Variants in PAIP2B observed in about 807,000 individuals in gnomAD.
PAIP2B encodes the protein polyadenylate-binding protein-interacting protein 2B.
A neutral mutation model predicts 17.0 loss-of-function variants in PAIP2B; 13 were observed. That is an observed-to-expected ratio of 0.76 (90% confidence interval 0.50 to 1.22). The LOEUF is 1.22. Ranked by LOEUF, PAIP2B falls within the 50% of genes most tolerant of loss-of-function variation. PAIP2B has a pLI of 0.00. For synonymous variants in PAIP2B, 43 were observed against 48.7 expected, an observed-to-expected ratio of 0.88 and a Z score of 0.48; for missense variants, 117 against 144.5, an observed-to-expected ratio of 0.81 and a Z score of 0.98.
intron 1 of PAIP2B, among the ~76,000 whole-genome samples, chr2:71,219,968 A>G (rs1044442551): frequency 6.6e-6 from 1 of 152,248 alleles, no homozygotes; most frequent in African/African-American, 2.4e-5. Flanking sequence ...AAAAACACAC[A>G]CAATATCTAG....
Position 71,202,539 on chromosome 2 carries a change from C to T in PAIP2B, c.51G>A (p.Glu17=), listed in dbSNP as rs1675009720. The part of the protein sequence containing the change: ...ANTSPSVKSK[E]DQGLSGHDEK... ...CATCGTGCCCACTTAACCCCTGGTC[C>T]TCTTTGGATTTTACACTCGGTGATG... The change falls in exon 2 of 4, where the codon GAG becomes GAA. Residue 17 remains glutamate (E), a synonymous_variant. Transcript: ENST00000244221. 2 of 1,613,658 alleles carry T rather than the reference C, an allele frequency of 1.2e-6. No homozygotes were observed. Among genetic ancestry groups the T allele is most frequent in the South Asian group, 1.1e-5 (1 of 91,076 alleles).
At chr2:71,199,494 T>C (rs1312493958) in intron 2 of PAIP2B, among the ~76,000 whole-genome samples, 3 of 151,920 alleles carry the variant, frequency 2.0e-5, no homozygotes, top group Non-Finnish European at 2.9e-5. Flanking sequence ...GTGGCCTGAA[T>C]AGCCAGTGAG....
At chr2:71,215,001 T>C (rs1489260721) in intron 1 of PAIP2B, among the ~76,000 whole-genome samples, 1 of 152,118 alleles carries the variant, frequency 6.6e-6, no homozygotes, top group African/African-American at 2.4e-5. Context: ...CTTATCAACA[T>C]CATTCTATAA....
At chr2:71,221,875 A>G (rs578179366) in intron 1 of PAIP2B, among the ~76,000 whole-genome samples, 1 of 150,074 alleles carries the variant, frequency 6.7e-6, no homozygotes, top group African/African-American at 2.4e-5. Flanking sequence ...AGCGCTCTGT[A>G]AAATGCACCA....
chr2:71,200,061 A>T (rs1008080029), intron 2 of PAIP2B, among the ~76,000 whole-genome samples: 1 of 152,222 alleles, frequency 6.6e-6, no homozygotes, highest in Non-Finnish European at 1.5e-5. Flanking sequence ...AATCTTTTCA[A>T]AAGACCAATG....
At chr2:71,213,439 G>C (rs1336339196) in intron 1 of PAIP2B, among the ~76,000 whole-genome samples, 2 of 152,184 alleles carry the variant, frequency 1.3e-5, no homozygotes, top group Non-Finnish European at 2.9e-5. Flanking sequence ...GAGAAAGAGG[G>C]TCCTTGAGGG....
chr2:71,200,997 TTGTGTGTGTGGGTGTG>T (rs1674966533), intron 2 of PAIP2B, among the ~76,000 whole-genome samples: 1 of 111,422 alleles, frequency 9.0e-6, no homozygotes, highest in African/African-American at 3.5e-5. Flanking sequence ...CTCAATCTCT[TTGTGTGTGTGGGTGTG>T]TGTGTGTGTG....
chr2:71,215,188 C>T (rs1352910222), intron 1 of PAIP2B, among the ~76,000 whole-genome samples: 3 of 152,042 alleles, frequency 2.0e-5, no homozygotes, highest in African/African-American at 4.8e-5. Context: ...CTGAGGCATA[C>T]AGTCCAGGAG....
At chr2:71,188,592 C>T (rs528797046) in intron 3 of PAIP2B, 57 bp from the exon 4 acceptor site, 1 of 1,417,702 alleles carries the variant, frequency 7.1e-7, no homozygotes, top group African/African-American at 1.4e-5. Context: ...TTAAAACTTA[C>T]CCAGTCCATC....
intron 2 of PAIP2B, among the ~76,000 whole-genome samples, chr2:71,196,606 T>C (rs1027644883): frequency 6.6e-6 from 1 of 152,150 alleles, no homozygotes. Context: ...CAGTGGAGTA[T>C]AGAAGTCTCA....
At chr2:71,218,762 T>C (rs1213440343) in intron 1 of PAIP2B, among the ~76,000 whole-genome samples, 5 of 152,164 alleles carry the variant, frequency 3.3e-5, no homozygotes, top group African/African-American at 9.7e-5. Flanking sequence ...GATGCCAGGA[T>C]ATATTTACTG....
rs1674637226 is a variant in PAIP2B at position 71,189,838 on chromosome 2, C to T, written c.315+7G>A. 1.9e-6 allele frequency: 3 copies of T among 1,548,208 alleles called. No individual in the cohort carries two copies. Among genetic ancestry groups the T allele is most frequent in the Admixed American group, 2.0e-5 (1 of 50,678 alleles). ...ACATAACCTGGGGAACTACATATGG[C>T]TCTTACCAAAATATCTTCAGAATCA... On this transcript the variant is annotated splice_region_variant and intron_variant, in intron 3 of 3. Transcript: ENST00000244221.
rs1026067777 is a variant in PAIP2B, at chr2:71,185,291, A to G, written c.*3188T>C. ...ACCCCAGGCTGGGGTGGCTCACCACACCCAGCCTATAATCCCAGCACTTTG... is the reference window on the plus strand; with the variant it reads ...ACCCCAGGCTGGGGTGGCTCACCACGCCCAGCCTATAATCCCAGCACTTTG... On this transcript the variant is annotated 3_prime_UTR_variant, in exon 4 of 4. Coordinates refer to ENST00000244221, the MANE Select transcript of PAIP2B (RefSeq NM_020459.1). The G allele has an allele frequency of 6.6e-6, 1 of 152,102 alleles. No individual in the cohort carries two copies. Among genetic ancestry groups the G allele is most frequent in the Non-Finnish European group, 1.5e-5 (1 of 68,010 alleles). The allele number at this position is 152,102 out of a possible 1,614,324, so 9.4% of individuals were successfully genotyped here. A position where few individuals can be genotyped will look rare whatever the true frequency, so the allele number is the denominator to read the frequency against.
intron 2 of PAIP2B, among the ~76,000 whole-genome samples, chr2:71,193,213 T>C (rs1674731398): frequency 1.3e-5 from 2 of 152,210 alleles, no homozygotes; most frequent in African/African-American, 2.4e-5. Context: ...CTTTTTTTCA[T>C]ATGCTTGTTG....
At chr2:71,202,419 A>C in intron 2 of PAIP2B, 33 bp downstream of exon 2, 1 of 1,606,806 alleles carries the variant, frequency 6.2e-7, no homozygotes, top group Non-Finnish European at 8.5e-7. Context: ...TACATGTATC[A>C]TCAATCTTCC....
intron 1 of PAIP2B, among the ~76,000 whole-genome samples, chr2:71,212,246 GC>G (rs1448415471): frequency 6.6e-6 from 1 of 152,132 alleles, no homozygotes; most frequent in Non-Finnish European, 1.5e-5. Context: ...CAATCTCCGA[GC>G]CTAAGGTCTT....
chr2:71,226,681 G>C (rs993836531), intron 1 of PAIP2B, among the ~76,000 whole-genome samples: 1 of 152,132 alleles, frequency 6.6e-6, no homozygotes, highest in Admixed American at 6.5e-5. Context: ...CTGTGCGGGG[G>C]GGAAAGGGAC....
At position 71,188,401 on chromosome 2, in the gene PAIP2B, C is replaced by G. The variant is rs1018903975; in HGVS notation, c.*78G>C. ...GTGCACCCCTCGCCCGCCCCATCCC[C>G]CTCTTCAGCTCCACCATTTTGTGCA... On this transcript the variant is annotated 3_prime_UTR_variant, in exon 4 of 4. Coordinates refer to ENST00000244221, the MANE Select transcript of PAIP2B (RefSeq NM_020459.1). 1 of 1,335,546 alleles carries G rather than the reference C, an allele frequency of 7.5e-7. No homozygotes were observed. Among genetic ancestry groups the G allele is most frequent in the African/African-American group, 1.5e-5 (1 of 68,792 alleles). The allele number at this position is 1,335,546 out of a possible 1,614,324, so 82.7% of individuals were successfully genotyped here. A position where few individuals can be genotyped will look rare whatever the true frequency, so the allele number is the denominator to read the frequency against.
chr2:71,202,732 T>G, intron 1 of PAIP2B, 132 bp from the exon 2 acceptor site: 1 of 735,414 alleles, frequency 1.4e-6, no homozygotes. Flanking sequence ...AAACAGAAAC[T>G]TAGTCTGTAA....
Sources: allele counts gnomAD v4.1 joint callset (sites outside exome capture counted in the v4.1 genomes callset), GRCh38; gene constraint gnomAD v4.1.1; transcripts MANE v1.5; gene names NCBI Gene and HGNC (gene_info 2026-07-23, HGNC 2026-07-21).